The following EXOC2 variants were observed in gnomAD, a reference collection of about 807,000 sequenced individuals.
EXOC2 encodes the protein SEC5-like 1.
A neutral mutation model predicts 131.8 loss-of-function variants in EXOC2; 70 were observed. The ratio of observed to expected loss-of-function variants is 0.53; its 90% CI spans 0.44 to 0.65. The LOEUF (loss-of-function observed/expected upper bound fraction) is 0.65. Ranked by LOEUF, EXOC2 falls within the 30% of genes least tolerant of loss-of-function variation. EXOC2 has a pLI of 0.00. For missense variants in EXOC2, 923 were observed against 1,108.6 expected (o/e 0.83, Z 2.38); for synonymous variants, 411 against 398.4 (o/e 1.03, Z -0.38).
At chr6:521,769 TCACCTACCTCAGCCTC>T (rs1765481253) in intron 23 of EXOC2, among the ~76,000 whole-genome samples, 1 of 152,094 alleles carries the variant, frequency 6.6e-6, no homozygotes, top group Admixed American at 6.5e-5. Context: ...CTCAAGCGAT[TCACCTACCTCAGCCTC>T]CCAAAGTGCT....
intron 4 of EXOC2, among the ~76,000 whole-genome samples, chr6:625,835 A>C (rs2294670): frequency 0.11 from 17,409 of 152,098 alleles, 1,926 homozygotes; most frequent in African/African-American, 0.29. Flanking sequence ...TCTTCTAGAC[A>C]GCCATTCCCA....
chr6:507,034 C>CCA (rs774156290), intron 23 of EXOC2, among the ~76,000 whole-genome samples: 2,587 of 147,908 alleles, frequency 0.017, 38 homozygotes, highest in African/African-American at 0.021. Flanking sequence ...ACAGCAGTGA[C>CCA]CACACACACA....
chr6:498,928 C>T (rs1298664456), intron 24 of EXOC2, among the ~76,000 whole-genome samples: 2 of 152,172 alleles, frequency 1.3e-5, no homozygotes, highest in East Asian at 3.8e-4. Context: ...GTTGGCAAAG[C>T]AGTGAGTAAC....
intron 23 of EXOC2, among the ~76,000 whole-genome samples, chr6:514,578 G>A (rs1005430837): frequency 5.3e-5 from 8 of 152,232 alleles, no homozygotes; most frequent in Non-Finnish European, 8.8e-5. Flanking sequence ...CTCTGAGCGC[G>A]TGGTTTGGAG....
Position 532,451 on chromosome 6 carries a change from A to T in EXOC2, c.2380+18T>A, listed in dbSNP as rs757236060. On this transcript the variant is annotated intron_variant, in intron 23 of 27. Transcript: ENST00000230449. ...AAAGTATATCCACATCTATTACTCA[A>T]GAAACTTTATTACTTACCTGTTGGA... 14 of 1,541,230 alleles carry T rather than the reference A, an allele frequency of 9.1e-6. No homozygotes were observed. The highest frequency in any genetic ancestry group is 1.3e-5 in the South Asian group (1 of 77,170).
chr6:525,639 T>C (rs568234955), intron 23 of EXOC2: 1 of 152,336 alleles, frequency 6.6e-6, no homozygotes, highest in East Asian at 1.9e-4. Flanking sequence ...ATATAGAAAT[T>C]TCTTTTTTTA....
chr6:628,539 T>C (rs6901664), intron 4 of EXOC2, among the ~76,000 whole-genome samples: 23,842 of 152,152 alleles, frequency 0.16, 2,033 homozygotes, highest in Middle Eastern at 0.23. Context: ...ACGTTTATGA[T>C]AGTAAACGTC....
intron 22 of EXOC2, 125 bp downstream of exon 22, chr6:549,050 C>T: frequency 4.1e-6 from 3 of 734,788 alleles, no homozygotes; most frequent in Admixed American, 3.9e-5. Context: ...GGCGGGGAAG[C>T]AGTGTGGCTG....
At chr6:683,082 C>T (rs7749661) in intron 1 of EXOC2, among the ~76,000 whole-genome samples, 151,766 of 152,256 alleles carry the variant, frequency 1, 75,640 homozygotes, top group Middle Eastern at 1. Context: ...AGCTCAGGTA[C>T]TGAAACCCAG....
intron 11 of EXOC2, among the ~76,000 whole-genome samples, chr6:583,105 T>C (rs967453668): frequency 6.6e-6 from 1 of 152,240 alleles, no homozygotes; most frequent in Non-Finnish European, 1.5e-5. Flanking sequence ...GTCAAAGTCC[T>C]ATGTCTTTTA....
chr6:498,379 T>C (rs990142806), intron 24 of EXOC2, among the ~76,000 whole-genome samples: 2 of 152,186 alleles, frequency 1.3e-5, no homozygotes, highest in Non-Finnish European at 2.9e-5. Flanking sequence ...ACCGAAGAAA[T>C]GCTTGCAACA....
chr6:517,356 C>T (rs1765217864), intron 23 of EXOC2, among the ~76,000 whole-genome samples: 1 of 152,042 alleles, frequency 6.6e-6, no homozygotes, highest in African/African-American at 2.4e-5. Flanking sequence ...AAAAAATCAA[C>T]TACAATGAAT....
chr6:664,291 T>C (rs1389804405), intron 1 of EXOC2, among the ~76,000 whole-genome samples: 2 of 152,132 alleles, frequency 1.3e-5, no homozygotes, highest in East Asian at 3.8e-4. Context: ...CTGAAAGAAA[T>C]TGTAGATGAC....
In EXOC2 at chr6:571,866, T is replaced by C. The variant is rs144297162; in HGVS notation, c.1443+654A>G. 3.6e-3 allele frequency among the ~76,000 whole-genome samples: 554 copies of C among 152,310 alleles called. 2 individuals carry two copies. Among genetic ancestry groups the C allele is most frequent in the African/African-American group, 0.013 (536 of 41,564 alleles). ...ATGTCCAGGAGCCGGAGGCCTTTCATGGCGCACTTGAGGTGAGGTTAGAAA... is the reference window on the plus strand; with the variant it reads ...ATGTCCAGGAGCCGGAGGCCTTTCACGGCGCACTTGAGGTGAGGTTAGAAA... On this transcript the variant is annotated intron_variant, in intron 13 of 27. Transcript: ENST00000230449.
At chr6:545,731 A>G (rs1010896473) in intron 22 of EXOC2, among the ~76,000 whole-genome samples, 3 of 152,242 alleles carry the variant, frequency 2.0e-5, no homozygotes, top group Non-Finnish European at 2.9e-5. Context: ...TCAGGATTCT[A>G]TCGTGAGGAA....
chr6:689,218 G>A (rs927319242), intron 1 of EXOC2: 5 of 152,052 alleles, frequency 3.3e-5, no homozygotes, highest in Admixed American at 6.5e-5. Context: ...ATTTACTGTG[G>A]AAAATATTAC....
intron 10 of EXOC2, among the ~76,000 whole-genome samples, chr6:596,912 C>G (rs1759849058): frequency 6.6e-6 from 1 of 152,136 alleles, no homozygotes; most frequent in Admixed American, 6.5e-5. Context: ...TCTCCAAACC[C>G]TGACATAAAC....
intron 11 of EXOC2, among the ~76,000 whole-genome samples, chr6:586,080 T>C (rs1759188733): frequency 6.6e-6 from 1 of 152,234 alleles, no homozygotes; most frequent in Non-Finnish European, 1.5e-5. Context: ...CCGCAGATCA[T>C]TTGTAAGCAA....
intron 23 of EXOC2, among the ~76,000 whole-genome samples, chr6:529,784 G>C (rs1002568595): frequency 1.3e-5 from 2 of 152,090 alleles, no homozygotes; most frequent in Non-Finnish European, 2.9e-5. Flanking sequence ...ACATTGTTCA[G>C]TAATAGTTTA....
Sources: allele counts gnomAD v4.1 joint callset (sites outside exome capture counted in the v4.1 genomes callset), GRCh38; gene constraint gnomAD v4.1.1; transcripts MANE v1.5; gene names NCBI Gene and HGNC (gene_info 2026-07-23, HGNC 2026-07-21).